Variants in ENOX2 observed in about 807,000 individuals in gnomAD.
ENOX2 encodes the protein ecto-NOX disulfide-thiol exchanger 2, also known as APK1 antigen.
Under a neutral mutation model 45.0 loss-of-function variants are expected in ENOX2, and 36 were observed. That is an observed-to-expected ratio of 0.80 (90% CI 0.61 to 1.06). ENOX2 has a LOEUF of 1.06. Ranked by LOEUF, ENOX2 falls within the 50% of genes least tolerant of loss-of-function variation. The probability of loss-of-function intolerance (pLI) is 0.00; values close to 1 mark genes in which losing one functional copy is unlikely to be tolerated. For synonymous variants in ENOX2, 174 were observed against 152.3 expected, an observed-to-expected ratio of 1.14 and a Z score of -1.05; for missense variants, 423 against 462.5, an observed-to-expected ratio of 0.91 and a Z score of 0.78.
At chrX:130,684,163 C>T (rs1230467351) in intron 5 of ENOX2, among the ~76,000 whole-genome samples, 3 of 112,466 alleles carry the variant, frequency 2.7e-5, no homozygotes, top group Admixed American at 9.4e-5. Flanking sequence ...GGGCTTTTGC[C>T]TATGTAAATA....
intron 3 of ENOX2, among the ~76,000 whole-genome samples, chrX:130,741,783 G>T: frequency 9.0e-6 from 1 of 111,108 alleles, no homozygotes; most frequent in South Asian, 3.9e-4. Context: ...AAAACAGATG[G>T]ATACACTAAT....
At chrX:130,853,023 A>AG (rs1436291877) in intron 2 of ENOX2, among the ~76,000 whole-genome samples, 1 of 111,085 alleles carries the variant, frequency 9.0e-6, no homozygotes, top group Non-Finnish European at 1.9e-5. Flanking sequence ...TCAAAGGTGG[A>AG]GAAAAAAAGT....
intron 8 of ENOX2, among the ~76,000 whole-genome samples, chrX:130,667,151 C>T (rs2036855478): frequency 8.9e-6 from 1 of 111,940 alleles, no homozygotes; most frequent in African/African-American, 3.2e-5. Context: ...TTCTTGAAGG[C>T]ATATTACATG....
At chrX:130,640,166 C>CA (rs2036041256) in intron 10 of ENOX2, among the ~76,000 whole-genome samples, 1 of 111,879 alleles carries the variant, frequency 8.9e-6, no homozygotes, top group African/African-American at 3.3e-5. Flanking sequence ...CCTAATCACC[C>CA]CCAAGGGCCT....
At chrX:130,855,355 A>G (rs2078289334) in intron 2 of ENOX2, among the ~76,000 whole-genome samples, 1 of 112,361 alleles carries the variant, frequency 8.9e-6, no homozygotes, top group African/African-American at 3.2e-5. Flanking sequence ...TCTTCGGTAT[A>G]AATACTTAGG....
chrX:130,631,983 G>A (rs2035750937), intron 12 of ENOX2, among the ~76,000 whole-genome samples: 1 of 110,765 alleles, frequency 9.0e-6, no homozygotes, highest in Non-Finnish European at 1.9e-5. Flanking sequence ...CTGCAAGGAA[G>A]TGGAGCCAGG....
At chrX:130,842,937 T>G (rs944206803) in intron 2 of ENOX2, among the ~76,000 whole-genome samples, 1 of 111,427 alleles carries the variant, frequency 9.0e-6, no homozygotes, top group African/African-American at 3.3e-5. Flanking sequence ...AATAGCAGAA[T>G]AGTGTACGTA....
At chrX:130,693,060 A>C (rs2037655487) in intron 4 of ENOX2, among the ~76,000 whole-genome samples, 1 of 112,107 alleles carries the variant, frequency 8.9e-6, no homozygotes, top group African/African-American at 3.2e-5. Flanking sequence ...AGCAACTTGC[A>C]CTTACTCAAC....
chrX:130,686,389 G>A (rs2037450602), intron 5 of ENOX2, among the ~76,000 whole-genome samples: 1 of 111,079 alleles, frequency 9.0e-6, no homozygotes, highest in Non-Finnish European at 1.9e-5. Context: ...GAGACACCTC[G>A]CTCCATCTTT....
At chrX:130,832,603 C>G (rs1381833430) in intron 2 of ENOX2, among the ~76,000 whole-genome samples, 2 of 111,374 alleles carry the variant, frequency 1.8e-5, no homozygotes, top group African/African-American at 6.5e-5. Flanking sequence ...CCTACCACCT[C>G]CCACTGATGT....
intron 3 of ENOX2, among the ~76,000 whole-genome samples, chrX:130,746,919 G>A (rs755998237): frequency 3.6e-5 from 4 of 112,353 alleles, no homozygotes; most frequent in South Asian, 3.7e-4. Context: ...ATGAGTAAAC[G>A]TTTGGAGGCC....
In ENOX2 at chrX:130,631,450, G is replaced by A. The variant is rs780422587; in HGVS notation, c.1528+18C>T. ...TACCCAGGCATTGTACGTGGCATGT[G>A]TGCATTAGCTTCCTTACCCACTAGC... On this transcript the variant is annotated intron_variant, in intron 13 of 14. Coordinates refer to ENST00000394363, the MANE Select transcript of ENOX2 (RefSeq NM_006375.4). The A allele has an allele frequency of 4.3e-6, 4 of 940,342 alleles. No homozygotes were observed. The highest frequency in any genetic ancestry group is 6.2e-6 in the Non-Finnish European group (4 of 648,050). The allele number at this position is 940,342 out of a possible 1,213,427, so 77.5% of individuals were successfully genotyped here.
intron 14 of ENOX2, among the ~76,000 whole-genome samples, chrX:130,625,922 TCACA>T (rs759800646): frequency 1.2e-4 from 13 of 104,255 alleles, no homozygotes; most frequent in African/African-American, 3.5e-4. Context: ...TCTCTCTCTT[TCACA>T]CACACACACA....
At chrX:130,763,769 G>A (rs2039549038) in intron 3 of ENOX2, among the ~76,000 whole-genome samples, 1 of 111,018 alleles carries the variant, frequency 9.0e-6, no homozygotes, top group Non-Finnish European at 1.9e-5. Flanking sequence ...GATCTTGGTG[G>A]AGACCCCTGG....
chrX:130,770,633 T>G (rs1466538399), intron 3 of ENOX2, among the ~76,000 whole-genome samples: 1 of 111,711 alleles, frequency 9.0e-6, no homozygotes, highest in Admixed American at 9.5e-5. Context: ...AAAGGACTAG[T>G]AAACATTTGA....
intron 9 of ENOX2, among the ~76,000 whole-genome samples, chrX:130,663,986 G>T (rs1209904873): frequency 8.9e-6 from 1 of 111,739 alleles, no homozygotes; most frequent in African/African-American, 3.3e-5. Flanking sequence ...TGAACAACAT[G>T]AGGCAGCCCT....
At chrX:130,845,678 T>C (rs1469534631) in intron 2 of ENOX2, among the ~76,000 whole-genome samples, 1 of 112,015 alleles carries the variant, frequency 8.9e-6, no homozygotes, top group African/African-American at 3.2e-5. Context: ...TTGGTCAGGC[T>C]GGTCTCGAAC....
At chrX:130,652,111 A>G (rs984137007) in intron 10 of ENOX2, among the ~76,000 whole-genome samples, 4 of 112,073 alleles carry the variant, frequency 3.6e-5, no homozygotes, top group Non-Finnish European at 5.6e-5. Context: ...AATGTCATGT[A>G]TTCTGGCCCC....
chrX:130,631,968 T>C (rs2148012505), intron 12 of ENOX2, among the ~76,000 whole-genome samples: 1 of 110,834 alleles, frequency 9.0e-6, no homozygotes, highest in South Asian at 3.9e-4. Context: ...TTGGCTAAGA[T>C]CACACTGCAA....
Sources: allele counts gnomAD v4.1 joint callset (sites outside exome capture counted in the v4.1 genomes callset), GRCh38; gene constraint gnomAD v4.1.1; transcripts MANE v1.5; gene names NCBI Gene and HGNC (gene_info 2026-07-23, HGNC 2026-07-21).